Variants in DNAH10 observed in about 807,000 individuals in gnomAD.
DNAH10 encodes the protein dynein axonemal heavy chain 10, also known as axonemal beta dynein heavy chain 10.
Under a neutral mutation model 506.6 loss-of-function variants are expected in DNAH10, and 348 were observed. The ratio of observed to expected loss-of-function variants is 0.69; its 90% CI spans 0.63 to 0.75. DNAH10 has a LOEUF of 0.75. DNAH10 is among the 30% of genes least tolerant of loss of function. The probability of loss-of-function intolerance (pLI) is 0.00; values close to 1 mark genes in which losing one functional copy is unlikely to be tolerated. For missense variants in DNAH10, 5,179 were observed against 5,787.1 expected (o/e 0.89, Z 3.41); for synonymous variants, 2,059 against 2,198.6 (o/e 0.94, Z 1.78).
Position 123,853,682 on chromosome 12 carries a change from T to A in DNAH10, c.6438+330T>A, listed in dbSNP as rs1169085709. ...CTCATGAAAGCATGAAGGTGAGTTGTTATTTTCTCTTTGAAACAAAAGAGG... is the reference window on the plus strand; with the variant it reads ...CTCATGAAAGCATGAAGGTGAGTTGATATTTTCTCTTTGAAACAAAAGAGG... On this transcript the variant is annotated intron_variant, in intron 36 of 78. Coordinates refer to ENST00000673944, the MANE Select transcript of DNAH10 (RefSeq NM_001372106.1). The surrounding 1 kb of genome is among the most constrained non-coding windows in gnomAD (Gnocchi z 4.7). Among the ~76,000 whole-genome samples the A allele has an allele frequency of 6.6e-6, 1 of 152,170 alleles. No homozygotes were observed. Among genetic ancestry groups the A allele is most frequent in the Admixed American group, 6.5e-5 (1 of 15,274 alleles).
chr12:123,867,799 A>T, intron 42 of DNAH10, 104 bp from the exon 43 acceptor site: 3 of 1,354,082 alleles, frequency 2.2e-6, no homozygotes, highest in Non-Finnish European at 3.0e-6. Flanking sequence ...GTTGGGTCTT[A>T]TGCTCCCATC....
In DNAH10 at chr12:123,916,432, A is replaced by G. The variant is rs1473780020; in HGVS notation, c.10723-25A>G. 2 of 1,586,910 alleles carry G rather than the reference A, an allele frequency of 1.3e-6. No homozygotes were observed. Among genetic ancestry groups the G allele is most frequent in the Non-Finnish European group, 8.6e-7 (1 of 1,166,778 alleles). On this transcript the variant is annotated intron_variant, in intron 62 of 78. Transcript: ENST00000673944. This position sits in a 1 kb window ranked among gnomAD's most constrained non-coding sequence, Gnocchi z 4.6. Reference sequence around the variant, plus strand: ...GGGCCACAGTTAAACGTGGGCTTTCAGCATCTGCCTCCCTTCTCTTCCAGG... The same window carrying G: ...GGGCCACAGTTAAACGTGGGCTTTCGGCATCTGCCTCCCTTCTCTTCCAGG...
rs1256565395 is a variant in DNAH10, at chr12:123,767,793, G to C, written c.298+104G>C. ...GCCACAATCAGTTGTACTTTCACTGGGTATGAACCACAAAGAGAAAGTGCT... is the reference window on the plus strand; with the variant it reads ...GCCACAATCAGTTGTACTTTCACTGCGTATGAACCACAAAGAGAAAGTGCT... On this transcript the variant is annotated intron_variant, in intron 2 of 78. Coordinates refer to ENST00000673944, the MANE Select transcript of DNAH10 (RefSeq NM_001372106.1). 7.5e-6 allele frequency: 7 copies of C among 930,478 alleles called. No individual in the cohort carries two copies. The East Asian group carries it at 1.4e-4, about 18-fold the overall frequency. 57.6% of individuals were successfully genotyped at this position (930,478 alleles called of 1,614,324 possible).
chr12:123,793,499 C>T (rs1473715096), intron 11 of DNAH10, among the ~76,000 whole-genome samples: 5 of 152,010 alleles, frequency 3.3e-5, no homozygotes, highest in African/African-American at 4.8e-5. Context: ...CCACCATGCC[C>T]GGCTAATTTT....
At position 123,928,733 on chromosome 12, in the gene DNAH10, T is replaced by C. The variant is rs910871535; in HGVS notation, c.12306+146T>C. 2 of 903,638 alleles carry C rather than the reference T, an allele frequency of 2.2e-6. No individual in the cohort carries two copies. The highest frequency in any genetic ancestry group is 3.3e-6 in the Non-Finnish European group (2 of 611,986). The allele number at this position is 903,638 out of a possible 1,614,324, so 56.0% of individuals were successfully genotyped here. On this transcript the variant is annotated intron_variant, in intron 70 of 78. Coordinates refer to ENST00000673944, the MANE Select transcript of DNAH10 (RefSeq NM_001372106.1). This position sits in a 1 kb window ranked among gnomAD's most constrained non-coding sequence, Gnocchi z 4.9. ...ACCTTGCGGTTGAAACCCTTCTCAA[T>C]CCCACCTCTCTCTTTAGAGGGAGCC...
chr12:123,867,659 G>T, intron 42 of DNAH10, 58 bp downstream of exon 42: 7 of 1,603,914 alleles, frequency 4.4e-6, no homozygotes, highest in Non-Finnish European at 4.3e-6. Context: ...ACAAGCTCAC[G>T]GTAGGGTTTT....
chr12:123,931,959 G>C lies in DNAH10; in HGVS notation c.13147G>C (p.Gly4383Arg). Residue 4383 changes from glycine (G) to arginine (R), a missense_variant, in exon 76 of 79, where the codon GGA (glycine) becomes CGA (arginine). Transcript: ENST00000673944. The stretch of plus-strand genomic sequence containing the variant: ...TAAATAGGCCTTGGCTGGAGAAGTT[G>C]GAATGAGCAATGAGTTAGATGATGT... Reference protein sequence around the residue: ...ELQRALAGEVGMSNELDDVAR... With the variant: ...ELQRALAGEVRMSNELDDVAR... 1 of 1,614,040 alleles carries C rather than the reference G, an allele frequency of 6.2e-7. No homozygotes were observed. The highest frequency in any genetic ancestry group is 8.5e-7 in the Non-Finnish European group (1 of 1,179,906).
chr12:123,882,135 T>C, intron 51 of DNAH10: 1 of 217,662 alleles, frequency 4.6e-6, no homozygotes, highest in Non-Finnish European at 8.9e-6. Flanking sequence ...AGTTGAAAAA[T>C]CCTAAGTGGA....
Position 123,926,502 on chromosome 12 carries a change from G to T in DNAH10, c.11922-135G>T. The stretch of plus-strand genomic sequence containing the variant: ...AGAAACTAGAATCTAAAACAGGGAA[G>T]ACTGCAACGAGCTATCCCAGAGGAG... On this transcript the variant is annotated intron_variant, in intron 68 of 78. Transcript: ENST00000673944. This position sits in a 1 kb window ranked among gnomAD's most constrained non-coding sequence, Gnocchi z 4.1. 1.1e-6 allele frequency: 1 copy of T among 899,834 alleles called. No individual in the cohort carries two copies. Among genetic ancestry groups the T allele is most frequent in the South Asian group, 2.0e-5 (1 of 49,826 alleles). The allele number at this position is 899,834 out of a possible 1,614,324, so 55.7% of individuals were successfully genotyped here.
At chr12:123,878,871 TGG>T (rs1952375376) in intron 48 of DNAH10, among the ~76,000 whole-genome samples, 1 of 152,092 alleles carries the variant, frequency 6.6e-6, no homozygotes, top group African/African-American at 2.4e-5. Flanking sequence ...TGCACCAGCC[TGG>T]GTAACAAAGC....
rs1218743646 is a variant in DNAH10, at chr12:123,916,326, CTTCTT to C, written c.10723-127_10723-123del. 1.6e-6 allele frequency: 2 copies of C among 1,215,532 alleles called. No individual in the cohort carries two copies. Among genetic ancestry groups the C allele is most frequent in the African/African-American group, 3.0e-5 (2 of 65,582 alleles). The allele number at this position is 1,215,532 out of a possible 1,614,324, so 75.3% of individuals were successfully genotyped here. On this transcript the variant is annotated intron_variant, in intron 62 of 78. Coordinates refer to ENST00000673944, the MANE Select transcript of DNAH10 (RefSeq NM_001372106.1). The surrounding 1 kb of genome is among the most constrained non-coding windows in gnomAD (Gnocchi z 4.6). The stretch of plus-strand genomic sequence containing the variant: ...TATGCGTTATACCCCTTGCTTCTCT[CTTCTT>C]TTCACCTCTGGCCCCCTCCAAGTTC...
chr12:123,861,490 C>T (rs1174856807), intron 39 of DNAH10, among the ~76,000 whole-genome samples: 1 of 152,216 alleles, frequency 6.6e-6, no homozygotes, highest in Non-Finnish European at 1.5e-5. Context: ...ACTCTAAGTT[C>T]TCAAACACAG....
In DNAH10 at chr12:123,788,157, T is replaced by G. The variant is rs566079965; in HGVS notation, c.1620+155T>G. On this transcript the variant is annotated intron_variant, in intron 10 of 78. Coordinates refer to ENST00000673944, the MANE Select transcript of DNAH10 (RefSeq NM_001372106.1). The stretch of plus-strand genomic sequence containing the variant: ...AGAACCTACGGAATATACTAGAATG[T>G]ACCAGAATGGACCAGAGTACACCAG... Among the ~76,000 whole-genome samples, 382 of 152,356 alleles carry G rather than the reference T, an allele frequency of 2.5e-3. 1 individual carries two copies. Among genetic ancestry groups the G allele is most frequent in the African/African-American group, 8.7e-3 (363 of 41,590 alleles).
intron 2 of DNAH10, among the ~76,000 whole-genome samples, chr12:123,770,855 A>C (rs541339260): frequency 1.3e-5 from 2 of 152,288 alleles, no homozygotes; most frequent in African/African-American, 4.8e-5. Context: ...AATCTGTATC[A>C]ATCAGAGTGG....
intron 26 of DNAH10, among the ~76,000 whole-genome samples, 186 bp from the exon 27 acceptor site, chr12:123,832,928 C>T (rs1424843243): frequency 6.6e-6 from 1 of 152,176 alleles, no homozygotes; most frequent in Non-Finnish European, 1.5e-5. Context: ...ACATGCTTAC[C>T]TGCCACATAG....
At chr12:123,854,485 C>T (rs1351448393) in intron 36 of DNAH10, among the ~76,000 whole-genome samples, 1 of 152,182 alleles carries the variant, frequency 6.6e-6, no homozygotes, top group Non-Finnish European at 1.5e-5. Flanking sequence ...TTACACTGAA[C>T]CCAAGCATGC....
chr12:123,796,659 G>T lies in DNAH10; in HGVS notation c.1990G>T (p.Asp664Tyr). ...DILAQYCKEI[D>Y]IINKIFVQNL... is the part of the protein sequence containing the mutation. ...AAGCTGTTTGATTGCTTTTCAGATT[G>T]ACATCATTAATAAAATCTTTGTCCA... is the stretch of plus-strand genomic sequence containing the variant. The change falls in exon 13 of 79, where the codon GAC becomes TAC. Residue 664 changes from aspartate (D) to tyrosine (Y), a missense_variant. Transcript: ENST00000673944. 2 of 1,601,476 alleles carry T rather than the reference G, an allele frequency of 1.2e-6. No individual in the cohort carries two copies. The highest frequency in any genetic ancestry group is 2.3e-5 in the South Asian group (2 of 87,978).
rs11057355 is a variant in DNAH10 at position 123,783,156 on chromosome 12, T to C, written c.891T>C (p.Ser297=). 0.62 allele frequency: 1,002,871 copies of C among 1,613,770 alleles called. 318,239 individuals are homozygous for C. Among genetic ancestry groups the C allele is most frequent in the East Asian group, 1 (44,813 of 44,874 alleles). Residue 297 remains serine (S), a synonymous_variant, in exon 7 of 79, where the codon TCT becomes TCC. Coordinates refer to ENST00000673944, the MANE Select transcript of DNAH10 (RefSeq NM_001372106.1). ...MPIISVEGEV[S]DLAADPETVD... ...TCATCAGTGTGGAGGGAGAGGTGTC[T>C]GACCTGGCAGCTGACCCGGAAACCG...
chr12:123,829,397 G>T lies in DNAH10; in HGVS notation c.4392-1149G>T, dbSNP rs77761263. ...GAAAGGTCAGTGGTCTCAACCAGTT[G>T]GAACTGGACAGAGGAGTTGGTTCAA... On this transcript the variant is annotated intron_variant, in intron 25 of 78. Coordinates refer to ENST00000673944, the MANE Select transcript of DNAH10 (RefSeq NM_001372106.1). Among the ~76,000 whole-genome samples the T allele has an allele frequency of 4.5e-3, 692 of 152,320 alleles. 6 individuals carry two copies. Among genetic ancestry groups the T allele is most frequent in the African/African-American group, 0.016 (657 of 41,560 alleles).
Sources: allele counts gnomAD v4.1 joint callset (sites outside exome capture counted in the v4.1 genomes callset), GRCh38; gene constraint gnomAD v4.1.1; non-coding constraint Gnocchi (gnomAD v3.1); transcripts MANE v1.5; gene names NCBI Gene and HGNC (gene_info 2026-07-23, HGNC 2026-07-21).